Variants in CDKAL1 observed in about 807,000 individuals in gnomAD.
The protein encoded by CDKAL1 is CDKAL1 threonylcarbamoyladenosine tRNA methylthiotransferase, also known as threonylcarbamoyladenosine tRNA methylthiotransferase.
Under a neutral mutation model 68.2 loss-of-function variants are expected in CDKAL1, and 32 were observed. The observed-to-expected ratio is 0.47, with a 90% confidence interval of 0.35 to 0.63. The LOEUF (loss-of-function observed/expected upper bound fraction) is 0.63, where lower values mean the gene tolerates loss of function less well. Among genes scored for constraint, CDKAL1 ranks in the 30% least tolerant of loss-of-function variants. CDKAL1 has a pLI of 0.00. For missense variants in CDKAL1, 606 were observed against 696.7 expected, an observed-to-expected ratio of 0.87 and a Z score of 1.47; for synonymous variants, 234 against 244.3, an observed-to-expected ratio of 0.96 and a Z score of 0.39.
chr6:20,882,120 A>G (rs1760854656), intron 9 of CDKAL1, among the ~76,000 whole-genome samples: 1 of 152,198 alleles, frequency 6.6e-6, no homozygotes. Context: ...GAGAAATGGC[A>G]GGTACAGGAA....
At chr6:20,882,912 G>C (rs953508872) in intron 9 of CDKAL1, among the ~76,000 whole-genome samples, 4 of 152,066 alleles carry the variant, frequency 2.6e-5, no homozygotes, top group Non-Finnish European at 5.9e-5. Flanking sequence ...TTAAGAACAA[G>C]GTTCAAAACT....
chr6:21,043,719 C>T (rs1444209176), intron 11 of CDKAL1, among the ~76,000 whole-genome samples: 2 of 152,190 alleles, frequency 1.3e-5, no homozygotes, highest in Admixed American at 1.3e-4. Context: ...TTTATGTTAA[C>T]ATCTTTTAAA....
At chr6:21,117,694 T>C (rs1436236484) in intron 13 of CDKAL1, among the ~76,000 whole-genome samples, 6 of 152,206 alleles carry the variant, frequency 3.9e-5, no homozygotes, top group Admixed American at 3.3e-4. Context: ...GCCCTGTTTT[T>C]AACTGGAAAC....
chr6:20,720,214 G>T (rs1772278891), intron 5 of CDKAL1, among the ~76,000 whole-genome samples: 1 of 151,972 alleles, frequency 6.6e-6, no homozygotes, highest in Non-Finnish European at 1.5e-5. Flanking sequence ...TTTCCTGGTT[G>T]CAATGCTAAT....
chr6:20,974,841 T>C (rs1220610460), intron 10 of CDKAL1, among the ~76,000 whole-genome samples: 1 of 149,570 alleles, frequency 6.7e-6, no homozygotes, highest in African/African-American at 2.5e-5. Context: ...TAGCTGGGCA[T>C]GGTTGTATGC....
At chr6:21,163,029 A>G (rs1048253954) in intron 13 of CDKAL1, among the ~76,000 whole-genome samples, 8 of 152,216 alleles carry the variant, frequency 5.3e-5, no homozygotes, top group African/African-American at 1.9e-4. Context: ...AACTAATGCC[A>G]CAGCTGAACC....
At chr6:20,629,444 G>A (rs1767576939) in intron 4 of CDKAL1, among the ~76,000 whole-genome samples, 1 of 152,124 alleles carries the variant, frequency 6.6e-6, no homozygotes, top group South Asian at 2.1e-4. Context: ...TTTGTGAGGA[G>A]GTTCTTTGAG....
At chr6:20,848,645 T>C (rs1758826052) in intron 9 of CDKAL1, among the ~76,000 whole-genome samples, 1 of 152,212 alleles carries the variant, frequency 6.6e-6, no homozygotes, top group South Asian at 2.1e-4. Flanking sequence ...TTCCCAACCA[T>C]GGAATGTTTG....
chr6:20,888,942 T>C (rs371135462), intron 9 of CDKAL1, among the ~76,000 whole-genome samples: 73 of 152,298 alleles, frequency 4.8e-4, no homozygotes, highest in African/African-American at 1.6e-3. Context: ...TGAGGAATCG[T>C]CACACTGACT....
chr6:20,873,158 G>A (rs940534609), intron 9 of CDKAL1, among the ~76,000 whole-genome samples: 2 of 152,148 alleles, frequency 1.3e-5, no homozygotes, highest in South Asian at 2.1e-4. Flanking sequence ...GAGGGGACAT[G>A]AGGGGCAAGA....
intron 9 of CDKAL1, among the ~76,000 whole-genome samples, chr6:20,885,417 G>A (rs1761021591): frequency 6.6e-6 from 1 of 152,166 alleles, no homozygotes; most frequent in South Asian, 2.1e-4. Flanking sequence ...ATTCAGTGGG[G>A]AAAGATAGTT....
At chr6:20,795,478 C>T (rs1426416172) in intron 8 of CDKAL1, among the ~76,000 whole-genome samples, 1 of 152,126 alleles carries the variant, frequency 6.6e-6, no homozygotes, top group African/African-American at 2.4e-5. Context: ...AGTAGTCACT[C>T]AGATTATTTT....
chr6:20,805,298 G>T (rs184565183), intron 8 of CDKAL1, among the ~76,000 whole-genome samples: 1 of 152,168 alleles, frequency 6.6e-6, no homozygotes, highest in Admixed American at 6.5e-5. Flanking sequence ...ATGAGTCACC[G>T]AATATGTGTG....
Position 21,027,779 on chromosome 6 carries a change from G to A in CDKAL1, c.1055+27407G>A, listed in dbSNP as rs573376623. Among the ~76,000 whole-genome samples, 6 of 152,302 alleles carry A rather than the reference G, an allele frequency of 3.9e-5. No homozygotes were observed. The East Asian group carries it at 1.2e-3, about 29-fold the overall frequency. On this transcript the variant is annotated intron_variant, in intron 11 of 15. Coordinates refer to ENST00000274695, the MANE Select transcript of CDKAL1 (RefSeq NM_017774.3). ...TTGTTTATAAATTCCCCAGTCTATGGTAATCTGTTACAGCAGCAGGAAACA... is the reference window on the plus strand; with the variant it reads ...TTGTTTATAAATTCCCCAGTCTATGATAATCTGTTACAGCAGCAGGAAACA...
At chr6:21,087,505 C>T (rs148326371) in intron 12 of CDKAL1, among the ~76,000 whole-genome samples, 251 of 152,186 alleles carry the variant, frequency 1.6e-3, no homozygotes, top group African/African-American at 5.7e-3. Context: ...AACTTCAGGT[C>T]TTTTTATTTG....
intron 5 of CDKAL1, among the ~76,000 whole-genome samples, chr6:20,674,494 G>T (rs759825926): frequency 2.3e-4 from 35 of 152,112 alleles, no homozygotes; most frequent in Non-Finnish European, 4.3e-4. Context: ...AGTACATATA[G>T]ATATTTTAGT....
At chr6:20,587,973 T>A (rs6923790) in intron 4 of CDKAL1, among the ~76,000 whole-genome samples, 2 of 151,934 alleles carry the variant, frequency 1.3e-5, no homozygotes, top group African/African-American at 4.8e-5. Context: ...GGCATGCACC[T>A]ATGGTCCCAG....
intron 12 of CDKAL1, among the ~76,000 whole-genome samples, chr6:21,107,539 T>C (rs1039699034): frequency 1.3e-5 from 2 of 152,190 alleles, no homozygotes; most frequent in South Asian, 2.1e-4. Context: ...GTAATTCTCC[T>C]GCCTCAGCTT....
chr6:20,808,358 A>C (rs1192534060), intron 8 of CDKAL1, among the ~76,000 whole-genome samples: 2 of 152,192 alleles, frequency 1.3e-5, no homozygotes, highest in Non-Finnish European at 2.9e-5. Flanking sequence ...AAGTACCTAC[A>C]TAATAACCTT....
Sources: gnomAD v4.1 joint callset for allele counts (sites outside exome capture counted in the v4.1 genomes callset) on GRCh38, gnomAD v4.1.1 for gene constraint, MANE v1.5 for transcripts, NCBI Gene and HGNC (gene_info 2026-07-23, HGNC 2026-07-21) for gene names.